MID1: variants seen among roughly 807,000 people sequenced by gnomAD.
MID1 encodes the protein midline 1.
MID1 carries 7 observed loss-of-function variants against 40.4 expected under a neutral mutation model. The ratio of observed to expected loss-of-function variants is 0.17; its 90% CI spans 0.10 to 0.33. The LOEUF is 0.33. Among genes scored for constraint, MID1 ranks in the 10% least tolerant of loss-of-function variants. The pLI is 1.00. For synonymous variants in MID1, 229 were observed against 221.2 expected (o/e 1.04, Z -0.31); for missense variants, 367 against 558.5 (o/e 0.66, Z 3.46).
intron 1 of MID1, among the ~76,000 whole-genome samples, chrX:10,744,094 G>T (rs2043543747): frequency 9.0e-6 from 1 of 111,642 alleles, no homozygotes; most frequent in South Asian, 3.8e-4. Flanking sequence ...AACACAGGCT[G>T]CCCCTTAATA....
chrX:10,466,250 T>C (rs1214326881), intron 7 of MID1, among the ~76,000 whole-genome samples: 1 of 112,294 alleles, frequency 8.9e-6, no homozygotes, highest in Non-Finnish European at 1.9e-5. Flanking sequence ...ATACAATCCC[T>C]GGTTCAGTTT....
At chrX:10,809,696 T>TATTC (rs2044081016) in intron 1 of MID1, among the ~76,000 whole-genome samples, 8 of 100,367 alleles carry the variant, frequency 8.0e-5, no homozygotes, top group Non-Finnish European at 1.4e-4. Flanking sequence ...CCAAACACCA[T>TATTC]TCACTCATAG....
At chrX:10,754,363 C>G (rs1403596384) in intron 1 of MID1, among the ~76,000 whole-genome samples, 1 of 108,422 alleles carries the variant, frequency 9.2e-6, no homozygotes, top group Non-Finnish European at 1.9e-5. Context: ...ACATCAGCTG[C>G]CACCAGAGAT....
chrX:10,515,838 T>C (rs1199453517), intron 3 of MID1, among the ~76,000 whole-genome samples: 1 of 112,451 alleles, frequency 8.9e-6, no homozygotes, highest in East Asian at 2.8e-4. Context: ...AACTTGATTA[T>C]TGGAATGTGC....
chrX:10,511,086 G>C (rs1057483295), intron 3 of MID1, among the ~76,000 whole-genome samples: 2 of 104,887 alleles, frequency 1.9e-5, no homozygotes, highest in African/African-American at 7.0e-5. Context: ...CTCTACTAAA[G>C]ATACAAAAAT....
chrX:10,497,156 TTC>T (rs1931298146), intron 3 of MID1, among the ~76,000 whole-genome samples: 1 of 112,368 alleles, frequency 8.9e-6, no homozygotes, highest in African/African-American at 3.2e-5. Context: ...AGTAAATTTC[TTC>T]TGTTTCCTTT....
In MID1 at chrX:10,815,675, G is replaced by A. The variant is rs925839830; in HGVS notation, c.-187+17879C>T. Reference sequence around the variant, plus strand: ...GTGACACTTTTCATCAGTCCCCTGGGGGTTATGCAGCTGTGTGGTTAACAA... The same window carrying A: ...GTGACACTTTTCATCAGTCCCCTGGAGGTTATGCAGCTGTGTGGTTAACAA... On this transcript the variant is annotated intron_variant, in intron 1 of 10. Transcript: ENST00000380785. Among the ~76,000 whole-genome samples the A allele has an allele frequency of 4.4e-5, 5 of 112,624 alleles. No homozygotes were observed. In the South Asian group the frequency reaches 1.8e-3, roughly 41 times the overall value.
intron 1 of MID1, among the ~76,000 whole-genome samples, chrX:10,682,401 T>A (rs902530236): frequency 1.2e-4 from 13 of 110,751 alleles, no homozygotes; most frequent in Non-Finnish European, 1.9e-4. Flanking sequence ...GCAAAGCACT[T>A]TTTCTTTTTT....
chrX:10,638,133 T>G (rs575621534), intron 1 of MID1, among the ~76,000 whole-genome samples: 2 of 111,673 alleles, frequency 1.8e-5, no homozygotes, highest in African/African-American at 3.2e-5. Flanking sequence ...TCCCAGCATA[T>G]TCCAACTGAG....
At chrX:10,558,390 G>A (rs1027976143) in intron 2 of MID1, among the ~76,000 whole-genome samples, 4 of 112,375 alleles carry the variant, frequency 3.6e-5, no homozygotes, top group Non-Finnish European at 7.5e-5. Flanking sequence ...CTACTCAAAA[G>A]CAGATTCATC....
chrX:10,783,525 C>T (rs926572000), intron 1 of MID1, among the ~76,000 whole-genome samples: 10 of 111,549 alleles, frequency 9.0e-5, no homozygotes, highest in East Asian at 2.8e-4. Context: ...CCTTCTATCA[C>T]GCAACAGCAT....
chrX:10,739,858 TC>T (rs2043511061), intron 1 of MID1, among the ~76,000 whole-genome samples: 2 of 112,398 alleles, frequency 1.8e-5, no homozygotes, highest in Admixed American at 9.4e-5. Flanking sequence ...ATGTAGACTC[TC>T]TTTTGTGAGC....
At position 10,567,587 on chromosome X, in the gene MID1, G is replaced by A. The variant is rs1363734701; in HGVS notation, c.-40C>T. The stretch of plus-strand genomic sequence containing the variant: ...CTCTTGTGTCATCAGCAAAACCCAA[G>A]GAAGCTGATCAGCTATCTGGAAACA... On this transcript the variant is annotated 5_prime_UTR_variant, in exon 2 of 10. Transcript: ENST00000317552. 1.1e-5 allele frequency: 13 copies of A among 1,200,433 alleles called. No individual in the cohort carries two copies. The highest frequency in any genetic ancestry group is 6.8e-6 in the Non-Finnish European group (6 of 886,632).
chrX:10,598,177 G>T (rs767250466), intron 1 of MID1, among the ~76,000 whole-genome samples: 5 of 112,207 alleles, frequency 4.5e-5, no homozygotes, highest in Non-Finnish European at 9.4e-5. Flanking sequence ...AGGAGATGGT[G>T]AAGGAAAGAA....
intron 1 of MID1, among the ~76,000 whole-genome samples, chrX:10,590,154 G>A (rs1360972713): frequency 9.0e-6 from 1 of 111,312 alleles, no homozygotes; most frequent in South Asian, 3.9e-4. Context: ...CAGTTGCTAG[G>A]TCAGGGGTGG....
In MID1 at chrX:10,463,771, C is replaced by T. The variant is rs762625672; in HGVS notation, c.1286-3964G>A. ...CTTCTTACAGATGAGGAAACGGATT[C>T]GGAGGACATTAAATAATTTGCTCAA... On this transcript the variant is annotated intron_variant, in intron 7 of 9. Coordinates refer to ENST00000317552, the MANE Select transcript of MID1 (RefSeq NM_000381.4). Among the ~76,000 whole-genome samples, 8 of 112,195 alleles carry T rather than the reference C, an allele frequency of 7.1e-5. No homozygotes were observed. In the East Asian group the frequency reaches 2.0e-3, roughly 27 times the overall value.
At position 10,620,472 on chromosome X, in the gene MID1, A is replaced by G. The variant is rs1010266968; in HGVS notation, c.-239T>C. The G allele has an allele frequency of 1.8e-5, 2 of 112,807 alleles. No individual in the cohort carries two copies. Among genetic ancestry groups the G allele is most frequent in the Non-Finnish European group, 3.8e-5 (2 of 53,294 alleles). 9.3% of individuals were successfully genotyped at this position (112,807 alleles called of 1,213,427 possible). On this transcript the variant is annotated 5_prime_UTR_variant, in exon 1 of 10. Coordinates refer to ENST00000317552, the MANE Select transcript of MID1 (RefSeq NM_000381.4). ...TCCTCTTTTTCTTTGATCTGTTGCTACACGCACTCTGCTCGAGACAATGTC... is the reference window on the plus strand; with the variant it reads ...TCCTCTTTTTCTTTGATCTGTTGCTGCACGCACTCTGCTCGAGACAATGTC...
At chrX:10,669,270 C>T (rs1302296236) in intron 1 of MID1, among the ~76,000 whole-genome samples, 2 of 104,425 alleles carry the variant, frequency 1.9e-5, no homozygotes, top group South Asian at 4.3e-4. Context: ...ATCTAGGACA[C>T]GTTTGATTCC....
At chrX:10,500,499 A>G (rs776479712) in intron 3 of MID1, among the ~76,000 whole-genome samples, 19 of 112,445 alleles carry the variant, frequency 1.7e-4, no homozygotes, top group Non-Finnish European at 3.0e-4. Context: ...TATATTCCAA[A>G]AGATACAATA....
Sources: allele counts gnomAD v4.1 joint callset (sites outside exome capture counted in the v4.1 genomes callset), GRCh38; gene constraint gnomAD v4.1.1; transcripts MANE v1.5; gene names NCBI Gene and HGNC (gene_info 2026-07-23, HGNC 2026-07-21).